The following COL4A1 variants were observed in gnomAD, a reference collection of about 807,000 sequenced individuals.
The protein encoded by COL4A1 is collagen type IV alpha 1 chain, also known as collagen alpha-1(IV) chain.
COL4A1 carries 40 observed loss-of-function variants against 216.6 expected under a neutral mutation model. That is an observed-to-expected ratio of 0.18 (90% CI 0.14 to 0.24). The LOEUF is 0.24. COL4A1 is among the 10% of genes least tolerant of loss of function. COL4A1 has a pLI of 1.00. For missense variants in COL4A1, 1,628 were observed against 2,196.8 expected (o/e 0.74, Z 5.18); for synonymous variants, 839 against 810.7 (o/e 1.03, Z -0.59).
At chr13:110,247,613 G>C (rs1881876093) in intron 1 of COL4A1, among the ~76,000 whole-genome samples, 1 of 152,104 alleles carries the variant, frequency 6.6e-6, no homozygotes, top group African/African-American at 2.4e-5. Flanking sequence ...GAAGTCAATG[G>C]TTTTAATAAG....
At chr13:110,151,499 G>A (rs1488466558) in intron 51 of COL4A1, among the ~76,000 whole-genome samples, 3 of 152,172 alleles carry the variant, frequency 2.0e-5, no homozygotes, top group Admixed American at 6.5e-5. Context: ...GATGAGTAAC[G>A]AATTAGAGAA....
intron 45 of COL4A1, among the ~76,000 whole-genome samples, chr13:110,165,712 C>T (rs1263145559): frequency 6.6e-6 from 1 of 152,094 alleles, no homozygotes; most frequent in African/African-American, 2.4e-5. Flanking sequence ...GAAGTATGGT[C>T]TGCTGTAAAG....
At chr13:110,154,192 G>T (rs574700024) in intron 50 of COL4A1, among the ~76,000 whole-genome samples, 57 of 152,302 alleles carry the variant, frequency 3.7e-4, no homozygotes, top group African/African-American at 1.3e-3. Context: ...TATGTGTAGG[G>T]TCATTTACTG....
Position 110,150,199 on chromosome 13 carries a change from G to A in COL4A1, c.*164C>T. 1.4e-6 allele frequency: 1 copy of A among 707,950 alleles called. No individual in the cohort carries two copies. The highest frequency in any genetic ancestry group is 1.5e-5 in the South Asian group (1 of 65,780). The allele number at this position is 707,950 out of a possible 1,614,324, so 43.9% of individuals were successfully genotyped here. ...GTCTTTTTCTCCTTCAGCAAGTAGA[G>A]GTCAATGAAGCAGGGTGTGTTAGTT... is the stretch of plus-strand genomic sequence containing the variant. On this transcript the variant is annotated 3_prime_UTR_variant, in exon 52 of 52. Transcript: ENST00000375820.
chr13:110,169,842 C>T (rs1430666712), intron 42 of COL4A1, 80 bp from the exon 43 acceptor site: 2 of 1,517,844 alleles, frequency 1.3e-6, no homozygotes, highest in Non-Finnish European at 8.9e-7. Flanking sequence ...TCAATACTGC[C>T]ACCCACGGCC....
In COL4A1 at chr13:110,181,341, C is replaced by A. The variant is rs199573161; in HGVS notation, c.2144G>T (p.Arg715Leu). ...GDMGPPGTPG[R>L]PGFNGLPGNP... ...CCCAGGTAAGCCATTAAATCCCGGG[C>A]GACCTGGAGTCCCCGGTGGCCCCAT... Residue 715 changes from arginine (R) to leucine (L), a missense_variant, in exon 29 of 52, where the codon CGC (arginine) becomes CTC (leucine). Coordinates refer to ENST00000375820, the MANE Select transcript of COL4A1 (RefSeq NM_001845.6). 115 of 1,613,508 alleles carry A rather than the reference C, an allele frequency of 7.1e-5. No individual in the cohort carries two copies. Among genetic ancestry groups the A allele is most frequent in the Middle Eastern group, 1.6e-4 (1 of 6,066 alleles).
chr13:110,177,942 A>G lies in COL4A1; in HGVS notation c.2627-11T>C, dbSNP rs1332061586. On this transcript the variant is annotated splice_polypyrimidine_tract_variant and intron_variant, in intron 32 of 51. Transcript: ENST00000375820. Reference sequence around the variant, plus strand: ...TTTCTCCCTTGGAACCTGTGGCCAAAGGAAAGGACTGTGAACATTTTCTTG... The same window carrying G: ...TTTCTCCCTTGGAACCTGTGGCCAAGGGAAAGGACTGTGAACATTTTCTTG... The G allele has an allele frequency of 6.2e-7, 1 of 1,613,998 alleles. No individual in the cohort carries two copies. The highest frequency in any genetic ancestry group is 8.5e-7 in the Non-Finnish European group (1 of 1,180,020).
chr13:110,289,794 C>T (rs1442687225), intron 1 of COL4A1, among the ~76,000 whole-genome samples: 3 of 152,168 alleles, frequency 2.0e-5, no homozygotes, highest in Non-Finnish European at 2.9e-5. Context: ...TGAGATGCTC[C>T]GGATCCCAGG....
Position 110,252,577 on chromosome 13 carries a change from T to C in COL4A1, c.85-9843A>G, listed in dbSNP as rs546067305. ...CGTATAATTATACGTATATATGTAT[T>C]ATATACGTATAATTATACGTATATA... On this transcript the variant is annotated intron_variant, in intron 1 of 51. Coordinates refer to ENST00000375820, the MANE Select transcript of COL4A1 (RefSeq NM_001845.6). 6.4e-4 allele frequency among the ~76,000 whole-genome samples: 17 copies of C among 26,762 alleles called. 1 individual carries two copies. The highest frequency in any genetic ancestry group is 4.6e-3 in the South Asian group (3 of 648). 17.6% of individuals were successfully genotyped at this position (26,762 alleles called of 152,430 possible).
chr13:110,253,105 A>G (rs183903980), intron 1 of COL4A1, among the ~76,000 whole-genome samples: 1,276 of 118,468 alleles, frequency 0.011, 326 homozygotes, highest in East Asian at 0.033. Context: ...ACATATACAT[A>G]TAACTATATG....
At chr13:110,155,168 G>A in intron 50 of COL4A1, 115 bp downstream of exon 50, 2 of 791,356 alleles carry the variant, frequency 2.5e-6, no homozygotes, top group Non-Finnish European at 2.2e-6. Flanking sequence ...GAAGAAGGAG[G>A]GGCTTAAGCA....
intron 1 of COL4A1, among the ~76,000 whole-genome samples, chr13:110,285,889 G>A (rs1054168374): frequency 2.0e-5 from 3 of 152,062 alleles, no homozygotes; most frequent in Admixed American, 2.0e-4. Flanking sequence ...AAACTATCTG[G>A]ATGTATTGGT....
At chr13:110,224,171 G>A (rs186085601) in intron 2 of COL4A1, among the ~76,000 whole-genome samples, 15 of 152,212 alleles carry the variant, frequency 9.9e-5, no homozygotes, top group South Asian at 2.1e-4. Flanking sequence ...CAGCACAACC[G>A]TCTTTTTTTT....
chr13:110,298,913 CAGAG>C (rs1884384805), intron 1 of COL4A1: 1 of 152,510 alleles, frequency 6.6e-6, no homozygotes, highest in South Asian at 2.1e-4. Context: ...CCACGGAGGG[CAGAG>C]TCTGCTCCAG....
chr13:110,156,392 G>C (rs569001674), intron 49 of COL4A1, among the ~76,000 whole-genome samples: 1 of 152,334 alleles, frequency 6.6e-6, no homozygotes, highest in African/African-American at 2.4e-5. Flanking sequence ...GACAAATAAT[G>C]CATGCTTTAA....
intron 19 of COL4A1, 137 bp downstream of exon 19, chr13:110,201,301 C>CGGAGGAAGAGAAGGAGGGGGG: frequency 2.3e-6 from 1 of 425,878 alleles, no homozygotes. Flanking sequence ...AAGGAGGGGG[C>CGGAGGAAGAGAAGGAGGGGGG]GGAGGAAGAG....
intron 49 of COL4A1, among the ~76,000 whole-genome samples, chr13:110,160,846 C>A (rs1259225739): frequency 6.6e-6 from 1 of 152,142 alleles, no homozygotes; most frequent in Admixed American, 6.5e-5. Context: ...GTAGCTGGGA[C>A]CACAGGCTCA....
intron 18 of COL4A1, chr13:110,201,803 G>C: frequency 1.8e-6 from 1 of 570,832 alleles, no homozygotes; most frequent in South Asian, 1.4e-5. Flanking sequence ...TCAATATGGT[G>C]AAACCCCGAC....
At chr13:110,247,158 T>C (rs982301884) in intron 1 of COL4A1, among the ~76,000 whole-genome samples, 1 of 152,170 alleles carries the variant, frequency 6.6e-6, no homozygotes, top group East Asian at 1.9e-4. Context: ...AAAGTCCTTT[T>C]AGCCTCTTCC....
Sources: allele counts gnomAD v4.1 joint callset (sites outside exome capture counted in the v4.1 genomes callset), GRCh38; gene constraint gnomAD v4.1.1; transcripts MANE v1.5; gene names NCBI Gene and HGNC (gene_info 2026-07-23, HGNC 2026-07-21).